Variants in ZNF385A observed in about 807,000 individuals in gnomAD.
ZNF385A encodes zinc finger protein 385A.
ZNF385A carries 14 observed loss-of-function variants against 32.1 expected under a neutral mutation model. That is an observed-to-expected ratio of 0.44 (90% CI 0.29 to 0.68). The LOEUF (loss-of-function observed/expected upper bound fraction) is 0.68, where lower values mean the gene tolerates loss of function less well. Ranked by LOEUF, ZNF385A falls within the 30% of genes least tolerant of loss-of-function variation. The pLI, the probability that ZNF385A is intolerant of heterozygous loss-of-function variation, is 0.14. For missense variants in ZNF385A, 406 were observed against 478.4 expected (o/e 0.85, Z 1.41); for synonymous variants, 197 against 202.7 (o/e 0.97, Z 0.24).
At chr12:54,379,230 C>T in intron 1 of ZNF385A, 4 of 980,750 alleles carry the variant, frequency 4.1e-6, no homozygotes, top group Non-Finnish European at 3.6e-6. Context: ...CGGCGCTGGC[C>T]CGGGCCGGAG....
intron 3 of ZNF385A, among the ~76,000 whole-genome samples, chr12:54,372,682 C>T (rs976671517): frequency 6.6e-6 from 1 of 152,216 alleles, no homozygotes; most frequent in Non-Finnish European, 1.5e-5. Context: ...TCCTCTCCAT[C>T]TTACAGAGAT....
At position 54,370,234 on chromosome 12, in the gene ZNF385A, T is replaced by C; in HGVS notation, c.*22A>G. 1 of 1,403,366 alleles carries C rather than the reference T, an allele frequency of 7.1e-7. No individual in the cohort carries two copies. Among genetic ancestry groups the C allele is most frequent in the South Asian group, 1.6e-5 (1 of 61,512 alleles). 86.9% of individuals were successfully genotyped at this position (1,403,366 alleles called of 1,614,324 possible). On this transcript the variant is annotated 3_prime_UTR_variant, in exon 7 of 7. Transcript: ENST00000394313. The surrounding 1 kb of genome is among the most constrained non-coding windows in gnomAD (Gnocchi z 5.5). The stretch of plus-strand genomic sequence containing the variant: ...TCCCGGCTGGAGGTGGGGAGTTGAA[T>C]GGGAGGGGTTCAGGGTTGAGGTCAG...
Position 54,369,650 on chromosome 12 carries a change from G to T in ZNF385A, c.*606C>A, listed in dbSNP as rs1176603470. On this transcript the variant is annotated 3_prime_UTR_variant, in exon 7 of 7. Coordinates refer to ENST00000394313, the MANE Select transcript of ZNF385A (RefSeq NM_015481.3). ...ATCTCCTTGGTCCCACCCAAGTGCC[G>T]GAGATGCCCCCAAGTGCTGCCCCCT... 6.5e-6 allele frequency: 1 copy of T among 152,790 alleles called. No individual in the cohort carries two copies. The highest frequency in any genetic ancestry group is 1.5e-5 in the Non-Finnish European group (1 of 68,176). The allele number at this position is 152,790 out of a possible 1,614,324, so 9.5% of individuals were successfully genotyped here. A position where few individuals can be genotyped will look rare whatever the true frequency, so the allele number is the denominator to read the frequency against.
intron 1 of ZNF385A, chr12:54,379,338 G>T: frequency 3.2e-6 from 1 of 315,072 alleles, no homozygotes; most frequent in Non-Finnish European, 4.6e-6. Context: ...GGCGGAAAGA[G>T]GGAGATGTCC....
chr12:54,384,159 G>T (rs900046437), intron 1 of ZNF385A, among the ~76,000 whole-genome samples: 1 of 152,164 alleles, frequency 6.6e-6, no homozygotes, highest in Non-Finnish European at 1.5e-5. Context: ...ATGGTAGGGC[G>T]ATTCACTGTA....
chr12:54,389,324 G>C (rs898202641), upstream of ZNF385A, among the ~76,000 whole-genome samples: 1 of 152,190 alleles, frequency 6.6e-6, no homozygotes, highest in Non-Finnish European at 1.5e-5. Context: ...TGAAACCTTT[G>C]TAGGGTCCCT....
chr12:54,373,678 TTC>T (rs1390578049), intron 3 of ZNF385A, among the ~76,000 whole-genome samples: 1 of 152,206 alleles, frequency 6.6e-6, no homozygotes, highest in African/African-American at 2.4e-5. Flanking sequence ...GATTTGGTGG[TTC>T]TCTTTTTCTT....
Position 54,370,503 on chromosome 12 carries a change from G to A in ZNF385A, c.871-17C>T, listed in dbSNP as rs750764517. ...CAGCGTGCCCTGAAGCGGGCGAAAG[G>A]CGGAGGAAGAGAAGTCACCCGGCGG... On this transcript the variant is annotated splice_polypyrimidine_tract_variant and intron_variant, in intron 6 of 6. Transcript: ENST00000394313. The surrounding 1 kb of genome is among the most constrained non-coding windows in gnomAD (Gnocchi z 5.5). 1 of 1,551,096 alleles carries A rather than the reference G, an allele frequency of 6.4e-7. No homozygotes were observed. The highest frequency in any genetic ancestry group is 1.2e-5 in the South Asian group (1 of 84,078).
chr12:54,385,430 G>A (rs61921451), upstream of ZNF385A, among the ~76,000 whole-genome samples: 36 of 152,234 alleles, frequency 2.4e-4, 1 homozygote, highest in South Asian at 7.1e-3. Flanking sequence ...GCAGCCCAAA[G>A]GTCCTCAGAG....
intron 1 of ZNF385A, among the ~76,000 whole-genome samples, chr12:54,377,543 G>A (rs1483029203): frequency 1.3e-5 from 2 of 152,276 alleles, no homozygotes; most frequent in South Asian, 4.1e-4. Flanking sequence ...TTTCTGCGTC[G>A]GGGGCTTTGA....
chr12:54,375,879 A>C lies in ZNF385A; in HGVS notation c.163T>G (p.Ser55Ala), dbSNP rs1390988940. ...AAGCGGATTTGACAGATATTACAGG[A>C]AATGACGGGCCGCTTGGTCTTGAGC... ...PLLKTKRPVI[S>A]CNICQIRFNS... Residue 55 changes from serine to alanine, a missense_variant, in exon 2 of 7, where the codon TCC becomes GCC. Physicochemically the swap from Ser to Ala is moderately conservative, Grantham distance 99. Transcript: ENST00000394313. 9.3e-6 allele frequency: 15 copies of C among 1,614,164 alleles called. No individual in the cohort carries two copies. The highest frequency in any genetic ancestry group is 1.2e-5 in the Non-Finnish European group (14 of 1,180,018).
At chr12:54,389,282 A>G (rs942322571), upstream of ZNF385A, among the ~76,000 whole-genome samples, 17 of 152,176 alleles carry the variant, frequency 1.1e-4, no homozygotes, top group Admixed American at 2.6e-4. Flanking sequence ...GCTACCATGC[A>G]CATGGATTCA....
At chr12:54,379,220 C>A (rs1363948883) in intron 1 of ZNF385A, 11 of 979,826 alleles carry the variant, frequency 1.1e-5, no homozygotes, top group Non-Finnish European at 1.3e-5. Flanking sequence ...GAAGGGGAGG[C>A]GGCGCTGGCC....
upstream of ZNF385A, chr12:54,385,575 G>A (rs935363294): frequency 3.2e-6 from 3 of 940,700 alleles, no homozygotes; most frequent in Non-Finnish European, 3.8e-6. Context: ...GGCAAACCGA[G>A]GAGGCTGCGT....
upstream of ZNF385A, among the ~76,000 whole-genome samples, chr12:54,387,807 G>A (rs183892635): frequency 2.0e-5 from 3 of 152,318 alleles, no homozygotes; most frequent in East Asian, 5.8e-4. Context: ...GAGTTATTTG[G>A]CCAAGGTCAC....
chr12:54,371,072 T>C lies in ZNF385A; in HGVS notation c.629A>G (p.Glu210Gly). The part of the protein sequence containing the change: ...NKGTKHKTIL[E>G]ARSGLGPIKA... ...GATGGGCCCGAGCCCACTTCGGGCC[T>C]CCAGAATTGTCTTGTGCTTAGTACC... Residue 210 changes from glutamate to glycine, a missense_variant, in exon 5 of 7, where the codon GAG (glutamate) becomes GGG (glycine). Coordinates refer to ENST00000394313, the MANE Select transcript of ZNF385A (RefSeq NM_015481.3). 6.2e-7 allele frequency: 1 copy of C among 1,610,748 alleles called. No individual in the cohort carries two copies.
rs1954816359 is a variant in ZNF385A at position 54,375,759 on chromosome 12, G to A, written c.198+85C>T. 8 of 1,154,384 alleles carry A rather than the reference G, an allele frequency of 6.9e-6. 1 individual carries two copies. The South Asian group carries it at 7.5e-5, about 11-fold the overall frequency. The allele number at this position is 1,154,384 out of a possible 1,614,324, so 71.5% of individuals were successfully genotyped here. A position where few individuals can be genotyped will look rare whatever the true frequency, so the allele number is the denominator to read the frequency against. On this transcript the variant is annotated intron_variant, in intron 2 of 6. Transcript: ENST00000394313. ...TCCCTGCCCCTCAACCAGAGTAAGT[G>A]TTCTCACCCAGCCTCTGCCCTCCCT...
Position 54,370,283 on chromosome 12 carries a change from G to C in ZNF385A, c.1074C>G (p.His358Gln). ...AGTACGGGGAGAAGAGGATGGGTCC[G>C]TGCGCAGTTCGGATGGGTCCGGGGG... ...HPAPGPIRTA[H>Q]GPILFSPY The change falls in exon 7 of 7, where the codon CAC becomes CAG. Residue 358 changes from histidine to glutamine, a missense_variant. Physicochemically the swap from His to Gln is conservative, Grantham distance 24. Transcript: ENST00000394313. This position sits in a 1 kb window ranked among gnomAD's most constrained non-coding sequence, Gnocchi z 5.5. 6.8e-7 allele frequency: 1 copy of C among 1,474,292 alleles called. No homozygotes were observed. Among genetic ancestry groups the C allele is most frequent in the Non-Finnish European group, 9.0e-7 (1 of 1,111,948 alleles). The allele number at this position is 1,474,292 out of a possible 1,614,324, so 91.3% of individuals were successfully genotyped here.
chr12:54,380,204 GAAT>G (rs1426677040), intron 1 of ZNF385A, among the ~76,000 whole-genome samples: 2 of 152,214 alleles, frequency 1.3e-5, no homozygotes, highest in East Asian at 1.9e-4. Flanking sequence ...ACTCTGTCAT[GAAT>G]AATAATATCA....
Sources: allele counts gnomAD v4.1 joint callset (sites outside exome capture counted in the v4.1 genomes callset), GRCh38; gene constraint gnomAD v4.1.1; non-coding constraint Gnocchi (gnomAD v3.1); transcripts MANE v1.5; gene names NCBI Gene and HGNC (gene_info 2026-07-23, HGNC 2026-07-21).